The following ANKRD55 variants were observed in gnomAD, a reference collection of about 807,000 sequenced individuals.
ANKRD55 encodes the protein ankyrin repeat domain 55, also known as ankyrin repeat domain-containing protein 55.
In ANKRD55, 41 loss-of-function variants were observed where a neutral mutation model predicts 60.6. The observed-to-expected ratio is 0.68, with a 90% CI of 0.53 to 0.88. The LOEUF (loss-of-function observed/expected upper bound fraction) is 0.88. ANKRD55 is among the 40% of genes least tolerant of loss of function. The probability of loss-of-function intolerance (pLI) is 0.00; values close to 1 mark genes in which losing one functional copy is unlikely to be tolerated. For missense variants in ANKRD55, 732 were observed against 767.6 expected, an observed-to-expected ratio of 0.95 and a Z score of 0.55; for synonymous variants, 264 against 290.3, an observed-to-expected ratio of 0.91 and a Z score of 0.92.
intron 4 of ANKRD55, among the ~76,000 whole-genome samples, chr5:56,171,453 C>G (rs1406295392): frequency 6.6e-6 from 1 of 152,204 alleles, no homozygotes; most frequent in Non-Finnish European, 1.5e-5. Context: ...TTGTCTCCTC[C>G]TCGGTCAACA....
At chr5:56,232,170 T>C (rs1296476317) in intron 2 of ANKRD55, among the ~76,000 whole-genome samples, 1 of 152,226 alleles carries the variant, frequency 6.6e-6, no homozygotes, top group Non-Finnish European at 1.5e-5. Flanking sequence ...ATATGCAAAA[T>C]GTATACACAT....
In ANKRD55 at chr5:56,099,816, C is replaced by G. The variant is rs1053863058; in HGVS notation, c.*367G>C. 3 of 158,548 alleles carry G rather than the reference C, an allele frequency of 1.9e-5. No homozygotes were observed. Among genetic ancestry groups the G allele is most frequent in the African/African-American group, 7.3e-5 (3 of 41,020 alleles). 9.8% of individuals were successfully genotyped at this position (158,548 alleles called of 1,614,324 possible). ...TTTTGCTTTTATTCAGCAAAGCGTA[C>G]TTTTTTTCCCAAAACATAAAATCAT... On this transcript the variant is annotated 3_prime_UTR_variant, in exon 12 of 12. Coordinates refer to ENST00000341048, the MANE Select transcript of ANKRD55 (RefSeq NM_024669.3).
At chr5:56,118,610 C>T (rs188281937) in intron 8 of ANKRD55, among the ~76,000 whole-genome samples, 4,829 of 150,104 alleles carry the variant, frequency 0.032, 131 homozygotes, top group Admixed American at 0.051. Context: ...GGCAACAGAG[C>T]GAGACTCCAT....
intron 2 of ANKRD55, among the ~76,000 whole-genome samples, chr5:56,189,310 C>CAAAA (rs201026805): frequency 8.9e-5 from 8 of 89,684 alleles, no homozygotes; most frequent in African/African-American, 3.3e-4. Flanking sequence ...GACTCTGTCT[C>CAAAA]AAAAAAAAAA....
At chr5:56,230,533 A>G (rs1760228280) in intron 2 of ANKRD55, among the ~76,000 whole-genome samples, 2 of 152,176 alleles carry the variant, frequency 1.3e-5, no homozygotes, top group South Asian at 4.1e-4. Context: ...GTAACGATTC[A>G]TGAAAAACCC....
intron 2 of ANKRD55, among the ~76,000 whole-genome samples, chr5:56,212,337 CT>C (rs1362959343): frequency 1.3e-5 from 2 of 152,068 alleles, no homozygotes; most frequent in Non-Finnish European, 2.9e-5. Context: ...AATTTGACCC[CT>C]ATAAGATAAA....
intron 5 of ANKRD55, among the ~76,000 whole-genome samples, chr5:56,164,362 C>T (rs557046126): frequency 1.3e-5 from 2 of 152,250 alleles, no homozygotes; most frequent in Admixed American, 6.5e-5. Flanking sequence ...CTTCCTGTCC[C>T]TGGAGCTGCC....
At chr5:56,138,397 A>C (rs924173959) in intron 7 of ANKRD55, among the ~76,000 whole-genome samples, 1 of 152,144 alleles carries the variant, frequency 6.6e-6, no homozygotes, top group African/African-American at 2.4e-5. Flanking sequence ...AAGTGCTGGG[A>C]TTACAGGTGT....
chr5:56,112,510 A>AAAAAAAAAAAC lies in ANKRD55; in HGVS notation c.966-729_966-728insGTTTTTTTTTT, dbSNP rs200589825. Among the ~76,000 whole-genome samples, 11 of 138,092 alleles carry AAAAAAAAAAAC rather than the reference A, an allele frequency of 8.0e-5. 1 individual carries two copies. The highest frequency in any genetic ancestry group is 1.6e-4 in the Non-Finnish European group (10 of 62,362). The allele number at this position is 138,092 out of a possible 152,430, so 90.6% of individuals were successfully genotyped here. A position where few individuals can be genotyped will look rare whatever the true frequency, so the allele number is the denominator to read the frequency against. ...GGCAGGATCTCATCTCTAGCAAAAA[A>AAAAAAAAAAAC]AAAAAAAAAAAACAACCAAGGAAAG... is the stretch of plus-strand genomic sequence containing the variant. On this transcript the variant is annotated intron_variant, in intron 9 of 11. Coordinates refer to ENST00000341048, the MANE Select transcript of ANKRD55 (RefSeq NM_024669.3).
intron 2 of ANKRD55, among the ~76,000 whole-genome samples, chr5:56,224,483 A>G (rs906280285): frequency 2.6e-5 from 4 of 152,232 alleles, no homozygotes; most frequent in Non-Finnish European, 5.9e-5. Context: ...GAAATACCTA[A>G]GATTAGAGCA....
intron 2 of ANKRD55, among the ~76,000 whole-genome samples, chr5:56,229,093 GTTTT>G (rs77788173): frequency 2.4e-5 from 3 of 126,772 alleles, no homozygotes; most frequent in Non-Finnish European, 5.0e-5. Context: ...CCCCTCGCCT[GTTTT>G]TTTTTTTTTT....
chr5:56,128,139 T>C (rs1309122510), intron 7 of ANKRD55, among the ~76,000 whole-genome samples: 2 of 152,206 alleles, frequency 1.3e-5, no homozygotes, highest in Non-Finnish European at 2.9e-5. Flanking sequence ...TTAAAAGCAG[T>C]AGCCATTCAA....
chr5:56,100,847 C>T (rs1756250235), intron 11 of ANKRD55, among the ~76,000 whole-genome samples: 1 of 152,236 alleles, frequency 6.6e-6, no homozygotes, highest in Non-Finnish European at 1.5e-5. Flanking sequence ...CAAGCTCCAA[C>T]AGCATTCAAG....
rs572048617 is a variant in ANKRD55, at chr5:56,206,541, T to C, written c.59-22907A>G. 7.8e-4 allele frequency among the ~76,000 whole-genome samples: 119 copies of C among 152,292 alleles called. 1 individual carries two copies. The highest frequency in any genetic ancestry group is 2.8e-3 in the African/African-American group (115 of 41,568). On this transcript the variant is annotated intron_variant, in intron 2 of 11. Transcript: ENST00000341048. ...CCTCCTTTACGGAGCCCCTGCATCATGCAATGGAGGAGTGGGGAGAAGTGT... is the reference window on the plus strand; with the variant it reads ...CCTCCTTTACGGAGCCCCTGCATCACGCAATGGAGGAGTGGGGAGAAGTGT...
At chr5:56,177,716 A>G (rs1300414340) in intron 3 of ANKRD55, among the ~76,000 whole-genome samples, 1 of 152,088 alleles carries the variant, frequency 6.6e-6, no homozygotes, top group Non-Finnish European at 1.5e-5. Flanking sequence ...TGGAGGTTGC[A>G]GTGAGCCGAG....
At chr5:56,159,521 G>T (rs1388866061) in intron 6 of ANKRD55, among the ~76,000 whole-genome samples, 1 of 151,922 alleles carries the variant, frequency 6.6e-6, no homozygotes, top group Non-Finnish European at 1.5e-5. Flanking sequence ...TCTGGGACTT[G>T]AGAAGACAGG....
chr5:56,166,153 T>TCTTTCTTTCTTC (rs1561277862), intron 5 of ANKRD55, among the ~76,000 whole-genome samples: 2 of 49,538 alleles, frequency 4.0e-5, no homozygotes, highest in East Asian at 1.3e-3. Flanking sequence ...TTTCTTTCTT[T>TCTTTCTTTCTTC]CTTCTTTCCT....
chr5:56,214,960 C>G (rs1759766704), intron 2 of ANKRD55, among the ~76,000 whole-genome samples: 1 of 152,170 alleles, frequency 6.6e-6, no homozygotes, highest in Non-Finnish European at 1.5e-5. Flanking sequence ...GCACCTCTTA[C>G]AGTTTTTTAA....
At chr5:56,209,561 G>T (rs1759608673) in intron 2 of ANKRD55, among the ~76,000 whole-genome samples, 1 of 151,454 alleles carries the variant, frequency 6.6e-6, no homozygotes, top group Non-Finnish European at 1.5e-5. Context: ...CCGCCTCCTG[G>T]GTTCACGCCA....
Sources: gnomAD v4.1 joint callset for allele counts (sites outside exome capture counted in the v4.1 genomes callset) on GRCh38, gnomAD v4.1.1 for gene constraint, MANE v1.5 for transcripts, NCBI Gene and HGNC (gene_info 2026-07-23, HGNC 2026-07-21) for gene names.